SDK1: variants seen among roughly 807,000 people sequenced by gnomAD.
SDK1 encodes the protein protein sidekick-1.
In SDK1, 157 loss-of-function variants were observed where a neutral mutation model predicts 245.5. The ratio of observed to expected loss-of-function variants is 0.64; its 90% CI spans 0.56 to 0.73. The LOEUF is 0.73. Ranked by LOEUF, SDK1 falls within the 30% of genes least tolerant of loss-of-function variation. SDK1 has a pLI of 0.00. For synonymous variants in SDK1, 1,647 were observed against 1,278.5 expected, an observed-to-expected ratio of 1.29 and a Z score of -6.15; for missense variants, 3,583 against 3,002.3, an observed-to-expected ratio of 1.19 and a Z score of -4.52.
intron 25 of SDK1, among the ~76,000 whole-genome samples, chr7:4,126,900 A>G (rs1171726176): frequency 6.6e-6 from 1 of 152,182 alleles, no homozygotes; most frequent in Non-Finnish European, 1.5e-5. Flanking sequence ...ATGTAACTGA[A>G]GGCAGTTGGC....
intron 5 of SDK1, among the ~76,000 whole-genome samples, chr7:3,841,950 T>C (rs371614450): frequency 6.6e-6 from 1 of 152,172 alleles, no homozygotes; most frequent in African/African-American, 2.4e-5. Flanking sequence ...ACATGACAGG[T>C]GGCCTCAGAC....
chr7:3,551,148 G>A (rs1475406846), intron 1 of SDK1, among the ~76,000 whole-genome samples: 1 of 152,036 alleles, frequency 6.6e-6, no homozygotes, highest in South Asian at 2.1e-4. Flanking sequence ...TATTGTAACC[G>A]TAGTTTGTCA....
intron 19 of SDK1, among the ~76,000 whole-genome samples, chr7:4,066,097 A>C (rs1256208030): frequency 6.6e-6 from 1 of 152,150 alleles, no homozygotes; most frequent in African/African-American, 2.4e-5. Flanking sequence ...CAGCTGATAC[A>C]TACAGAAACT....
chr7:3,654,852 T>G (rs1783113381), intron 4 of SDK1, among the ~76,000 whole-genome samples: 1 of 152,220 alleles, frequency 6.6e-6, no homozygotes, highest in Non-Finnish European at 1.5e-5. Context: ...TCATTTCACA[T>G]GAGCATATCT....
At chr7:3,789,414 C>T (rs1014260158) in intron 4 of SDK1, among the ~76,000 whole-genome samples, 6 of 152,234 alleles carry the variant, frequency 3.9e-5, no homozygotes, top group Admixed American at 6.5e-5. Context: ...TCCCAAAGTG[C>T]TGGGATTACA....
At chr7:3,621,848 G>A (rs143103733) in intron 2 of SDK1, among the ~76,000 whole-genome samples, 12 of 152,228 alleles carry the variant, frequency 7.9e-5, no homozygotes, top group African/African-American at 2.4e-4. Context: ...TTTGCAAATC[G>A]TTGAATATAC....
At chr7:3,708,046 C>G (rs1784942021) in intron 4 of SDK1, among the ~76,000 whole-genome samples, 1 of 152,062 alleles carries the variant, frequency 6.6e-6, no homozygotes, top group African/African-American at 2.4e-5. Context: ...GTAGGTTGTA[C>G]AGGAAGCGTG....
chr7:3,639,790 A>C (rs779628245), intron 3 of SDK1, among the ~76,000 whole-genome samples: 1 of 151,902 alleles, frequency 6.6e-6, no homozygotes, highest in Admixed American at 6.6e-5. Context: ...TTATGTACAT[A>C]TGTGTATATA....
At chr7:3,557,616 T>A (rs1458314608) in intron 1 of SDK1, among the ~76,000 whole-genome samples, 4 of 152,202 alleles carry the variant, frequency 2.6e-5, no homozygotes, top group African/African-American at 9.6e-5. Flanking sequence ...TTGGATTATA[T>A]CCATGTCAAA....
intron 12 of SDK1, among the ~76,000 whole-genome samples, chr7:3,972,402 A>T (rs1023529248): frequency 3.3e-5 from 5 of 152,154 alleles, no homozygotes; most frequent in Non-Finnish European, 1.5e-5. Context: ...AGGAATGCCG[A>T]CATCCTGTCT....
intron 1 of SDK1, among the ~76,000 whole-genome samples, chr7:3,617,815 G>T (rs1021651763): frequency 6.6e-6 from 1 of 152,126 alleles, no homozygotes; most frequent in Non-Finnish European, 1.5e-5. Context: ...TCAAGGTCCT[G>T]CCTCTTATTA....
intron 8 of SDK1, among the ~76,000 whole-genome samples, chr7:3,961,629 C>T (rs1031714149): frequency 1.3e-5 from 2 of 152,172 alleles, no homozygotes; most frequent in African/African-American, 4.8e-5. Flanking sequence ...CTCCTCGACC[C>T]TTAACAAGGT....
chr7:3,776,621 C>A (rs1780571715), intron 4 of SDK1, among the ~76,000 whole-genome samples: 1 of 152,046 alleles, frequency 6.6e-6, no homozygotes, highest in Admixed American at 6.5e-5. Flanking sequence ...GTTAAGCTGT[C>A]ACTCTGGATG....
intron 1 of SDK1, among the ~76,000 whole-genome samples, chr7:3,437,759 TTAA>T (rs1583856949): frequency 6.6e-6 from 1 of 152,084 alleles, no homozygotes; most frequent in Non-Finnish European, 1.5e-5. Flanking sequence ...TGCCAAAAAA[TTAA>T]TAATACTAAA....
intron 28 of SDK1, among the ~76,000 whole-genome samples, chr7:4,141,262 T>C (rs1012681895): frequency 1.3e-5 from 2 of 152,124 alleles, no homozygotes; most frequent in African/African-American, 4.8e-5. Context: ...GGTGGGGCCA[T>C]TGATAGAAAG....
intron 1 of SDK1, among the ~76,000 whole-genome samples, chr7:3,521,702 C>G (rs1782945944): frequency 6.6e-6 from 1 of 152,080 alleles, no homozygotes; most frequent in African/African-American, 2.4e-5. Context: ...GGGGGAAGAA[C>G]TTGATCAACT....
rs536580496 is a variant in SDK1, at chr7:3,989,118, G to A, written c.2131+1796G>A. On this transcript the variant is annotated intron_variant, in intron 14 of 44. Transcript: ENST00000404826. ...CTCTGTTATCCTATCTGTATTAGTCGGTTTTCACACTGCCAATAAAGACAC... is the reference window on the plus strand; with the variant it reads ...CTCTGTTATCCTATCTGTATTAGTCAGTTTTCACACTGCCAATAAAGACAC... Among the ~76,000 whole-genome samples the A allele has an allele frequency of 2.4e-4, 37 of 152,238 alleles. No homozygotes were observed. The South Asian group carries it at 7.3e-3, about 30-fold the overall frequency.
chr7:3,914,269 C>A (rs959085605), intron 5 of SDK1, among the ~76,000 whole-genome samples: 2 of 152,174 alleles, frequency 1.3e-5, no homozygotes, highest in Non-Finnish European at 1.5e-5. Flanking sequence ...GCTCATCCTA[C>A]GTTATTGTGT....
intron 34 of SDK1, among the ~76,000 whole-genome samples, chr7:4,178,226 G>T (rs1445512997): frequency 6.6e-6 from 1 of 152,210 alleles, no homozygotes; most frequent in Non-Finnish European, 1.5e-5. Flanking sequence ...CTTTAGAGGA[G>T]GGAGCTCCGT....
Sources: allele counts gnomAD v4.1 joint callset (sites outside exome capture counted in the v4.1 genomes callset), GRCh38; gene constraint gnomAD v4.1.1; transcripts MANE v1.5; gene names NCBI Gene and HGNC (gene_info 2026-07-23, HGNC 2026-07-21).